FRAS1: variants seen among roughly 807,000 people sequenced by gnomAD.
The protein encoded by FRAS1 is extracellular matrix organizing protein FRAS1.
A neutral mutation model predicts 435.2 loss-of-function variants in FRAS1; 290 were observed. That is an observed-to-expected ratio of 0.67 (90% CI 0.61 to 0.73). FRAS1 has a LOEUF of 0.73. Ranked by LOEUF, FRAS1 falls within the 30% of genes least tolerant of loss-of-function variation. FRAS1 has a pLI of 0.00. For synonymous variants in FRAS1, 1,800 were observed against 1,851.0 expected, an observed-to-expected ratio of 0.97 and a Z score of 0.71; for missense variants, 4,860 against 5,001.5, an observed-to-expected ratio of 0.97 and a Z score of 0.85.
At chr4:78,489,638 T>G (rs1720281611) in intron 59 of FRAS1, among the ~76,000 whole-genome samples, 1 of 152,210 alleles carries the variant, frequency 6.6e-6, no homozygotes, top group South Asian at 2.1e-4. Flanking sequence ...TGTCTCCCAC[T>G]TACAATCAAA....
intron 18 of FRAS1, among the ~76,000 whole-genome samples, chr4:78,321,335 T>G (rs1262861472): frequency 2.0e-5 from 3 of 152,156 alleles, no homozygotes; most frequent in Non-Finnish European, 4.4e-5. Flanking sequence ...CCCGTGGGAA[T>G]CTAAGTCCAG....
intron 14 of FRAS1, among the ~76,000 whole-genome samples, chr4:78,299,321 G>T (rs1397174733): frequency 6.6e-6 from 1 of 152,140 alleles, no homozygotes; most frequent in Non-Finnish European, 1.5e-5. Context: ...AACACCGAGG[G>T]TGTAGTAAAA....
chr4:78,267,440 G>A lies in FRAS1; in HGVS notation c.981+8G>A, dbSNP rs1167185325. ...AAAGTGGAGTGTGCCCGGGTAAGAAGCAGGGGCATTTCCATTTGGAACGTT... is the reference window on the plus strand; with the variant it reads ...AAAGTGGAGTGTGCCCGGGTAAGAAACAGGGGCATTTCCATTTGGAACGTT... On this transcript the variant is annotated splice_region_variant and intron_variant, in intron 9 of 73. Coordinates refer to ENST00000512123, the MANE Select transcript of FRAS1 (RefSeq NM_025074.7). 1.2e-6 allele frequency: 2 copies of A among 1,611,856 alleles called. No homozygotes were observed. The highest frequency in any genetic ancestry group is 2.2e-5 in the East Asian group (1 of 44,848).
At chr4:78,465,143 C>A (rs971997173) in intron 49 of FRAS1, among the ~76,000 whole-genome samples, 3 of 152,208 alleles carry the variant, frequency 2.0e-5, no homozygotes, top group Non-Finnish European at 2.9e-5. Context: ...TACTGCCACA[C>A]TTATTAATTA....
At chr4:78,487,621 C>G (rs979454401) in intron 58 of FRAS1, among the ~76,000 whole-genome samples, 1 of 152,130 alleles carries the variant, frequency 6.6e-6, no homozygotes, top group African/African-American at 2.4e-5. Flanking sequence ...TGCCTTAATA[C>G]AGAGCAAATG....
rs770008663 is a variant in FRAS1 at position 78,315,735 on chromosome 4, G to A, written c.1819+1G>A. 1.9e-6 allele frequency: 3 copies of A among 1,613,922 alleles called. No individual in the cohort carries two copies. Among genetic ancestry groups the A allele is most frequent in the South Asian group, 2.2e-5 (2 of 91,072 alleles). ...GCTGATGCCACTGGCAGGTGCAAAG[G>A]TAAGAGATGGGTCACCATCATCATC... On this transcript the variant is annotated splice_donor_variant, in intron 16 of 73. Transcript: ENST00000512123. LOFTEE classifies it high-confidence loss of function.
chr4:78,252,298 A>T, intron 4 of FRAS1, 94 bp from the exon 5 acceptor site: 1 of 1,251,816 alleles, frequency 8.0e-7, no homozygotes, highest in Non-Finnish European at 1.1e-6. Context: ...CTCCATCCTT[A>T]ATTTGGATAA....
At chr4:78,116,471 C>T (rs1743185295) in intron 2 of FRAS1, among the ~76,000 whole-genome samples, 1 of 152,118 alleles carries the variant, frequency 6.6e-6, no homozygotes, top group African/African-American at 2.4e-5. Flanking sequence ...GTCTAAGTCT[C>T]TTTGTAGGTC....
chr4:78,170,778 C>T (rs1721516937), intron 2 of FRAS1, among the ~76,000 whole-genome samples: 1 of 152,038 alleles, frequency 6.6e-6, no homozygotes, highest in Non-Finnish European at 1.5e-5. Flanking sequence ...ATACCATCCT[C>T]ATTATTCTTT....
At chr4:78,227,348 T>A (rs970828413) in intron 2 of FRAS1, among the ~76,000 whole-genome samples, 8 of 152,362 alleles carry the variant, frequency 5.3e-5, no homozygotes, top group Admixed American at 2.6e-4. Flanking sequence ...AGGACCCCTA[T>A]TCATTAAATG....
intron 20 of FRAS1, among the ~76,000 whole-genome samples, chr4:78,344,817 A>C (rs1181203370): frequency 1.3e-5 from 2 of 152,168 alleles, no homozygotes; most frequent in East Asian, 3.8e-4. Flanking sequence ...TCAAAGAAAA[A>C]CGTTAATGCA....
In FRAS1 at chr4:78,182,006, G is replaced by C. The variant is rs2110051949; in HGVS notation, c.109-55504G>C. On this transcript the variant is annotated intron_variant, in intron 2 of 73. Transcript: ENST00000512123. ...GTCAAATAACTGGTCGAATCGGTTG[G>C]TGACCACACAGCCGAAGCCTTCCTG... The C allele has an allele frequency of 2.6e-6, 4 of 1,556,026 alleles. No homozygotes were observed. The South Asian group carries it at 5.0e-5, about 19-fold the overall frequency.
At chr4:78,265,895 C>A (rs1002592573) in intron 7 of FRAS1, among the ~76,000 whole-genome samples, 4 of 152,136 alleles carry the variant, frequency 2.6e-5, no homozygotes, top group Non-Finnish European at 5.9e-5. Flanking sequence ...CTAGGCAGGT[C>A]ACTTGAAATC....
At chr4:78,192,052 T>C (rs1187371873) in intron 2 of FRAS1, among the ~76,000 whole-genome samples, 2 of 152,168 alleles carry the variant, frequency 1.3e-5, no homozygotes, top group East Asian at 3.8e-4. Context: ...TTTGGGTATG[T>C]TTTTGGTTCT....
At position 78,452,293 on chromosome 4, in the gene FRAS1, A is replaced by G. The variant is rs761542982; in HGVS notation, c.6702A>G (p.Glu2234=). 6.2e-7 allele frequency: 1 copy of G among 1,613,160 alleles called. No homozygotes were observed. Among genetic ancestry groups the G allele is most frequent in the Non-Finnish European group, 8.5e-7 (1 of 1,179,702 alleles). Residue 2234 remains glutamate (E), a synonymous_variant, in exon 47 of 74, where the codon GAA becomes GAG. Coordinates refer to ENST00000512123, the MANE Select transcript of FRAS1 (RefSeq NM_025074.7). ...SATDQDSGPT[E]LIYRITRQPQ... Reference sequence around the variant, plus strand: ...CTGACCAGGACAGTGGGCCTACAGAATTGATCTACAGAATCACCAGACAGC... The same window carrying G: ...CTGACCAGGACAGTGGGCCTACAGAGTTGATCTACAGAATCACCAGACAGC...
chr4:78,123,731 T>G (rs1719168379), intron 2 of FRAS1, among the ~76,000 whole-genome samples: 1 of 152,192 alleles, frequency 6.6e-6, no homozygotes, highest in Non-Finnish European at 1.5e-5. Context: ...TTTATTCTCT[T>G]AGTAGCAATT....
intron 14 of FRAS1, among the ~76,000 whole-genome samples, chr4:78,296,368 C>T (rs967151929): frequency 6.6e-5 from 10 of 151,986 alleles, no homozygotes; most frequent in African/African-American, 2.4e-5. Context: ...GAGGCAGTAG[C>T]AGGCAGAGGC....
intron 2 of FRAS1, among the ~76,000 whole-genome samples, chr4:78,108,973 C>A (rs1184135296): frequency 3.8e-5 from 3 of 79,664 alleles, no homozygotes; most frequent in Non-Finnish European, 7.1e-5. Context: ...ACAAACACCT[C>A]TACGCAAATA....
At position 78,267,441 on chromosome 4, in the gene FRAS1, C is replaced by T. The variant is rs112081709; in HGVS notation, c.981+9C>T. 38,989 of 1,611,392 alleles carry T rather than the reference C, an allele frequency of 0.024. 596 individuals are homozygous for T. The highest frequency in any genetic ancestry group is 0.029 in the Non-Finnish European group (33,862 of 1,178,458). On this transcript the variant is annotated intron_variant, in intron 9 of 73. Transcript: ENST00000512123. ...AAGTGGAGTGTGCCCGGGTAAGAAGCAGGGGCATTTCCATTTGGAACGTTG... is the reference window on the plus strand; with the variant it reads ...AAGTGGAGTGTGCCCGGGTAAGAAGTAGGGGCATTTCCATTTGGAACGTTG...
Sources: gnomAD v4.1 joint callset for allele counts (sites outside exome capture counted in the v4.1 genomes callset) on GRCh38, gnomAD v4.1.1 for gene constraint, MANE v1.5 for transcripts, NCBI Gene and HGNC (gene_info 2026-07-23, HGNC 2026-07-21) for gene names.